The following EVI5 variants were observed in gnomAD, a reference collection of about 807,000 sequenced individuals.
The protein encoded by EVI5 is ecotropic viral integration site 5 protein homolog.
EVI5 carries 73 observed loss-of-function variants against 112.0 expected under a neutral mutation model. That is an observed-to-expected ratio of 0.65 (90% CI 0.54 to 0.79). The LOEUF is 0.79. EVI5 is among the 30% of genes least tolerant of loss of function. The pLI, the probability that EVI5 is intolerant of heterozygous loss-of-function variation, is 0.00. For missense variants in EVI5, 900 were observed against 968.8 expected, an observed-to-expected ratio of 0.93 and a Z score of 0.94; for synonymous variants, 305 against 319.9, an observed-to-expected ratio of 0.95 and a Z score of 0.50.
chr1:92,547,685 C>A (rs868459203), intron 19 of EVI5, among the ~76,000 whole-genome samples: 115 of 152,260 alleles, frequency 7.6e-4, no homozygotes, highest in African/African-American at 2.4e-3. Flanking sequence ...ATCCCACATA[C>A]ATACAAACTA....
At chr1:92,749,665 T>C (rs1679880281) in intron 1 of EVI5, among the ~76,000 whole-genome samples, 1 of 152,118 alleles carries the variant, frequency 6.6e-6, no homozygotes, top group African/African-American at 2.4e-5. Flanking sequence ...CTACTGAATA[T>C]GAGTATTCAC....
chr1:92,718,646 A>C (rs1327628001), intron 2 of EVI5, among the ~76,000 whole-genome samples: 1 of 152,332 alleles, frequency 6.6e-6, no homozygotes, highest in African/African-American at 2.4e-5. Context: ...GAGAAGCAAG[A>C]GCAAACAAAT....
chr1:92,525,190 C>T (rs1038860251), intron 19 of EVI5, among the ~76,000 whole-genome samples: 4 of 149,090 alleles, frequency 2.7e-5, no homozygotes, highest in Non-Finnish European at 4.4e-5. Flanking sequence ...TCGGGGTGTG[C>T]GTGTGTGGTA....
At chr1:92,776,873 G>A (rs368464509) in intron 1 of EVI5, among the ~76,000 whole-genome samples, 117 of 150,936 alleles carry the variant, frequency 7.8e-4, no homozygotes, top group Non-Finnish European at 1.6e-3. Flanking sequence ...CAAGATCTCA[G>A]CTCACTGCAA....
intron 18 of EVI5, among the ~76,000 whole-genome samples, chr1:92,582,152 C>T (rs992446211): frequency 6.6e-6 from 1 of 152,014 alleles, no homozygotes; most frequent in Non-Finnish European, 1.5e-5. Context: ...AGCATGTTAC[C>T]GTATGGAATA....
At chr1:92,542,077 T>A (rs1664908704) in intron 19 of EVI5, among the ~76,000 whole-genome samples, 1 of 152,218 alleles carries the variant, frequency 6.6e-6, no homozygotes, top group Admixed American at 6.5e-5. Context: ...ATGAAGTATT[T>A]CTCTGTAGCA....
intron 14 of EVI5, among the ~76,000 whole-genome samples, chr1:92,627,141 T>C (rs1655855675): frequency 6.6e-6 from 1 of 152,184 alleles, no homozygotes; most frequent in Non-Finnish European, 1.5e-5. Flanking sequence ...ACCTTATTTG[T>C]AGTCTTCTAT....
chr1:92,616,613 A>G (rs1321479403), intron 16 of EVI5, among the ~76,000 whole-genome samples: 1 of 152,166 alleles, frequency 6.6e-6, no homozygotes, highest in Admixed American at 6.5e-5. Context: ...TACTAATTTG[A>G]ATTATAAAAA....
chr1:92,785,185 G>T (rs1435708505), upstream of EVI5: 3 of 853,128 alleles, frequency 3.5e-6, no homozygotes, highest in Non-Finnish European at 4.2e-6. Context: ...GTTAGGGGCC[G>T]GGCGGGCCGG....
chr1:92,641,782 T>A (rs1341779977), intron 13 of EVI5, among the ~76,000 whole-genome samples: 1 of 152,112 alleles, frequency 6.6e-6, no homozygotes, highest in African/African-American at 2.4e-5. Flanking sequence ...AAACAGGATT[T>A]AAAAAAACCC....
intron 18 of EVI5, among the ~76,000 whole-genome samples, chr1:92,581,187 C>T (rs1671877061): frequency 6.6e-6 from 1 of 152,204 alleles, no homozygotes; most frequent in Admixed American, 6.5e-5. Flanking sequence ...CAAGCTCAAG[C>T]TTGTTCTCAC....
intron 19 of EVI5, among the ~76,000 whole-genome samples, chr1:92,558,909 A>G (rs1451088060): frequency 6.6e-6 from 1 of 151,846 alleles, no homozygotes. Flanking sequence ...AAAACCCCTA[A>G]CAACAACAAC....
rs367545262 is a variant in EVI5, at chr1:92,777,947, C to T, written c.-82+6889G>A. 1.2e-3 allele frequency among the ~76,000 whole-genome samples: 171 copies of T among 147,916 alleles called. 1 individual carries two copies. The highest frequency in any genetic ancestry group is 2.2e-3 in the African/African-American group (87 of 40,032). On this transcript the variant is annotated intron_variant, in intron 1 of 19. Transcript: ENST00000684568. ...TTTTTGTGACGGAGTGTCACTCTGT[C>T]GCCAGGCTGGAGGTGCAGTGGCGCA...
rs1362506762 is a variant in EVI5, at chr1:92,651,775, C to T, written c.1392+10944G>A. On this transcript the variant is annotated intron_variant, in intron 13 of 19. Transcript: ENST00000684568. The stretch of plus-strand genomic sequence containing the variant: ...CTGAGGCAGGAGAATGGCGTGAACC[C>T]GGGAGGCGGAGCTTGCAGTGAGCCG... Among the ~76,000 whole-genome samples, 12 of 141,542 alleles carry T rather than the reference C, an allele frequency of 8.5e-5. No individual in the cohort carries two copies. The East Asian group carries it at 2.2e-3, about 26-fold the overall frequency. 92.9% of individuals were successfully genotyped at this position (141,542 alleles called of 152,430 possible). A position where few individuals can be genotyped will look rare whatever the true frequency, so the allele number is the denominator to read the frequency against.
intron 19 of EVI5, among the ~76,000 whole-genome samples, chr1:92,540,238 T>A (rs1377972384): frequency 6.6e-6 from 1 of 152,240 alleles, no homozygotes; most frequent in Non-Finnish European, 1.5e-5. Context: ...AGCAACTCTA[T>A]GTTTACCATT....
At chr1:92,722,487 C>T (rs1002994121) in intron 2 of EVI5, among the ~76,000 whole-genome samples, 6 of 141,064 alleles carry the variant, frequency 4.3e-5, no homozygotes, top group African/African-American at 1.6e-4. Flanking sequence ...CACAACCGTC[C>T]CCAGTGTGTG....
intron 18 of EVI5, among the ~76,000 whole-genome samples, chr1:92,583,195 C>T (rs928997075): frequency 6.6e-6 from 1 of 152,028 alleles, no homozygotes; most frequent in African/African-American, 2.4e-5. Context: ...TGGGTAGTTA[C>T]TATTTTTTCT....
chr1:92,736,686 C>T (rs567202170), intron 1 of EVI5, 59 bp from the exon 2 acceptor site: 3 of 1,061,094 alleles, frequency 2.8e-6, no homozygotes, highest in Non-Finnish European at 4.4e-6. Flanking sequence ...TTACCGAGAA[C>T]TTAATAATTC....
intron 2 of EVI5, among the ~76,000 whole-genome samples, chr1:92,728,712 T>A (rs1304750793): frequency 6.6e-6 from 1 of 152,168 alleles, no homozygotes; most frequent in African/African-American, 2.4e-5. Context: ...TTATGCACAA[T>A]CAACTGTAGT....
Sources: gnomAD v4.1 joint callset for allele counts (sites outside exome capture counted in the v4.1 genomes callset) on GRCh38, gnomAD v4.1.1 for gene constraint, MANE v1.5 for transcripts, NCBI Gene and HGNC (gene_info 2026-07-23, HGNC 2026-07-21) for gene names.